Variants in CPA3 observed in about 807,000 individuals in gnomAD.
CPA3 encodes mast cell carboxypeptidase A.
A neutral mutation model predicts 55.8 loss-of-function variants in CPA3; 52 were observed. The observed-to-expected ratio is 0.93, with a 90% CI of 0.75 to 1.17. CPA3 has a LOEUF of 1.17. Ranked by LOEUF, CPA3 falls within the 50% of genes most tolerant of loss-of-function variation. The probability of loss-of-function intolerance (pLI) is 0.00; values close to 1 mark genes in which losing one functional copy is unlikely to be tolerated. For missense variants in CPA3, 547 were observed against 509.1 expected, an observed-to-expected ratio of 1.07 and a Z score of -0.72; for synonymous variants, 179 against 171.2, an observed-to-expected ratio of 1.05 and a Z score of -0.36.
rs184947543 is a variant in CPA3, at chr3:148,887,065, A to G, written c.1066+888A>G. ...GTGTGTTTTTAAGTTATTGACTTGG[A>G]TTTCTTGGCCTTGATTTTCTTGTCT... is the stretch of plus-strand genomic sequence containing the variant. On this transcript the variant is annotated intron_variant, in intron 10 of 10. Transcript: ENST00000296046. Among the ~76,000 whole-genome samples, 207 of 152,224 alleles carry G rather than the reference A, an allele frequency of 1.4e-3. 1 individual carries two copies. The highest frequency in any genetic ancestry group is 4.8e-3 in the African/African-American group (200 of 41,540).
intron 3 of CPA3, among the ~76,000 whole-genome samples, chr3:148,874,908 C>T (rs1245387451): frequency 6.6e-6 from 1 of 152,172 alleles, no homozygotes; most frequent in African/African-American, 2.4e-5. Flanking sequence ...TATGACCCAA[C>T]TTCACTATTA....
rs942438147 is a variant in CPA3, at chr3:148,882,394, C to G, written c.688-111C>G. 6 of 702,430 alleles carry G rather than the reference C, an allele frequency of 8.5e-6. No homozygotes were observed. In the Admixed American group the frequency reaches 8.6e-5, roughly 10 times the overall value. 43.5% of individuals were successfully genotyped at this position (702,430 alleles called of 1,614,324 possible). The stretch of plus-strand genomic sequence containing the variant: ...TTTATAATAAAGGGCCTCAAGTTAA[C>G]TAGATAGATTTCAAATAAAGTTGCA... On this transcript the variant is annotated intron_variant, in intron 7 of 10. Coordinates refer to ENST00000296046, the MANE Select transcript of CPA3 (RefSeq NM_001870.4).
chr3:148,889,203 A>G (rs1373045034), intron 10 of CPA3, among the ~76,000 whole-genome samples: 2 of 152,120 alleles, frequency 1.3e-5, no homozygotes, highest in African/African-American at 2.4e-5. Flanking sequence ...AATGTTAATC[A>G]AACATGCATG....
At chr3:148,880,362 C>T (rs1326144301) in intron 6 of CPA3, among the ~76,000 whole-genome samples, 1 of 147,232 alleles carries the variant, frequency 6.8e-6, no homozygotes, top group Non-Finnish European at 1.5e-5. Context: ...GATGGAGTCT[C>T]ACTCTGTCAC....
intron 3 of CPA3, among the ~76,000 whole-genome samples, chr3:148,877,247 G>A (rs1714232969): frequency 1.3e-5 from 2 of 152,352 alleles, no homozygotes; most frequent in African/African-American, 4.8e-5. Flanking sequence ...TGTAATCCCA[G>A]CACTTCAGGA....
intron 10 of CPA3, among the ~76,000 whole-genome samples, chr3:148,887,719 A>G (rs1714570348): frequency 6.6e-6 from 1 of 152,222 alleles, no homozygotes; most frequent in Non-Finnish European, 1.5e-5. Flanking sequence ...AACCAAGTTC[A>G]AGCTTCAGTT....
intron 10 of CPA3, among the ~76,000 whole-genome samples, chr3:148,892,837 G>A (rs1208012657): frequency 1.7e-5 from 1 of 57,868 alleles, no homozygotes. Flanking sequence ...AGTTAGCCAG[G>A]TGTGGTGGCA....
chr3:148,873,632 G>A lies in CPA3; in HGVS notation c.269+4593G>A, dbSNP rs562302749. ...AGACTAAGGAGAGTGCAGATCTGACGGCAATACCCAAGGATTTCACTCTCA... is the reference window on the plus strand; with the variant it reads ...AGACTAAGGAGAGTGCAGATCTGACAGCAATACCCAAGGATTTCACTCTCA... On this transcript the variant is annotated intron_variant, in intron 3 of 10. Coordinates refer to ENST00000296046, the MANE Select transcript of CPA3 (RefSeq NM_001870.4). 3.9e-5 allele frequency among the ~76,000 whole-genome samples: 6 copies of A among 152,240 alleles called. No homozygotes were observed. In the South Asian group the frequency reaches 8.3e-4, roughly 21 times the overall value.
chr3:148,872,525 A>G (rs1171864673), intron 3 of CPA3, among the ~76,000 whole-genome samples: 2 of 152,238 alleles, frequency 1.3e-5, no homozygotes, highest in African/African-American at 4.8e-5. Flanking sequence ...AATGCAAAAG[A>G]GATCTATGCC....
intron 3 of CPA3, among the ~76,000 whole-genome samples, chr3:148,874,264 G>A (rs919079252): frequency 5.3e-5 from 8 of 152,112 alleles, no homozygotes; most frequent in African/African-American, 1.4e-4. Flanking sequence ...ATATGTGTAA[G>A]TCTAAAAATA....
intron 3 of CPA3, 29 bp from the exon 4 acceptor site, chr3:148,878,412 A>T: frequency 7.0e-7 from 1 of 1,424,838 alleles, no homozygotes; most frequent in Non-Finnish European, 9.9e-7. Flanking sequence ...ATGATAAAAC[A>T]TGTATTTTAT....
chr3:148,890,876 T>C (rs1277837468), intron 10 of CPA3, among the ~76,000 whole-genome samples: 1 of 152,226 alleles, frequency 6.6e-6, no homozygotes, highest in Non-Finnish European at 1.5e-5. Flanking sequence ...CAACCAATAT[T>C]GTGCCTTGAA....
chr3:148,873,025 TACACACACACAC>T (rs10536988), intron 3 of CPA3, among the ~76,000 whole-genome samples: 7 of 103,752 alleles, frequency 6.7e-5, no homozygotes, highest in African/African-American at 1.2e-4. Context: ...CTTCTATGAA[TACACACACACAC>T]ACACACACAC....
chr3:148,876,273 T>C (rs1315734678), intron 3 of CPA3, among the ~76,000 whole-genome samples: 2 of 151,646 alleles, frequency 1.3e-5, no homozygotes, highest in South Asian at 2.1e-4. Context: ...TACAATTATG[T>C]TATGATCCAT....
At chr3:148,880,187 C>T (rs779564068) in intron 6 of CPA3, among the ~76,000 whole-genome samples, 4 of 152,152 alleles carry the variant, frequency 2.6e-5, no homozygotes, top group Non-Finnish European at 5.9e-5. Context: ...ACAACCTTCA[C>T]ATAACCTACA....
chr3:148,878,616 C>A (rs750715856), intron 4 of CPA3, 31 bp from the exon 5 acceptor site: 12 of 1,575,554 alleles, frequency 7.6e-6, no homozygotes, highest in Non-Finnish European at 9.5e-6. Context: ...TTCTTTTATT[C>A]TAATTTCTCA....
intron 9 of CPA3, among the ~76,000 whole-genome samples, chr3:148,885,706 G>C (rs527521054): frequency 6.6e-6 from 1 of 151,904 alleles, no homozygotes; most frequent in Non-Finnish European, 1.5e-5. Flanking sequence ...CACCGTGCCC[G>C]GCCAAGTCTT....
intron 10 of CPA3, 37 bp from the exon 11 acceptor site, chr3:148,896,483 T>C: frequency 6.9e-7 from 1 of 1,453,214 alleles, no homozygotes; most frequent in Non-Finnish European, 9.3e-7. Flanking sequence ...CATTAGCATT[T>C]GTCTCTAATT....
Position 148,878,734 on chromosome 3 carries a change from C to A in CPA3, c.460C>A (p.Leu154Ile). Residue 154 changes from leucine (L) to isoleucine (I), a missense_variant, in exon 5 of 11, where the codon CTA becomes ATA. Leu to Ile is a conservative substitution (Grantham distance 5, BLOSUM62 2). Transcript: ENST00000296046. ...TGGATCTACTGTTGAAGATAATCCA[C>A]TATATGTTCTGAAGGTAAAAATAAC... ...KIGSTVEDNP[L>I]YVLKIGEKNE... The A allele has an allele frequency of 6.3e-7, 1 of 1,581,154 alleles. No individual in the cohort carries two copies. The highest frequency in any genetic ancestry group is 8.7e-7 in the Non-Finnish European group (1 of 1,153,834).
Sources: gnomAD v4.1 joint callset for allele counts (sites outside exome capture counted in the v4.1 genomes callset) on GRCh38, gnomAD v4.1.1 for gene constraint, MANE v1.5 for transcripts, NCBI Gene and HGNC (gene_info 2026-07-23, HGNC 2026-07-21) for gene names.